Variants in BBX observed in about 807,000 individuals in gnomAD.
BBX encodes the protein BBX high mobility group box domain containing, also known as HMG box transcription factor BBX.
BBX carries 30 observed loss-of-function variants against 100.2 expected under a neutral mutation model. The ratio of observed to expected loss-of-function variants is 0.30; its 90% CI spans 0.22 to 0.41. The LOEUF is 0.41. Ranked by LOEUF, BBX falls within the 10% of genes least tolerant of loss-of-function variation. The pLI is 1.00. For missense variants in BBX, 1,023 were observed against 1,129.8 expected (o/e 0.91, Z 1.35); for synonymous variants, 376 against 388.1 (o/e 0.97, Z 0.37).
intron 3 of BBX, chr3:107,659,700 C>CT: frequency 7.8e-7 from 1 of 1,276,310 alleles, no homozygotes; most frequent in South Asian, 1.3e-5. Context: ...ACCACACTGC[C>CT]TGTAGATTAT....
At chr3:107,664,330 CAG>C (rs1387930774) in intron 3 of BBX, among the ~76,000 whole-genome samples, 1 of 152,152 alleles carries the variant, frequency 6.6e-6, no homozygotes, top group African/African-American at 2.4e-5. Flanking sequence ...CTCCCACTAA[CAG>C]AATGTAAGTA....
intron 10 of BBX, among the ~76,000 whole-genome samples, chr3:107,768,599 GA>G (rs920467033): frequency 1.1e-4 from 17 of 151,836 alleles, no homozygotes; most frequent in African/African-American, 3.9e-4. Flanking sequence ...AACTTAATAA[GA>G]AAAAATGGAA....
intron 2 of BBX, among the ~76,000 whole-genome samples, chr3:107,602,270 A>G (rs1437219834): frequency 6.6e-6 from 1 of 152,214 alleles, no homozygotes; most frequent in East Asian, 1.9e-4. Context: ...GATCTGGAGT[A>G]ATTTTGACTT....
At chr3:107,741,163 A>G (rs537662290) in intron 7 of BBX, among the ~76,000 whole-genome samples, 1 of 151,990 alleles carries the variant, frequency 6.6e-6, no homozygotes, top group East Asian at 1.9e-4. Flanking sequence ...CCGGCAGTGC[A>G]TGGTTGTGGT....
chr3:107,528,854 A>C (rs1411358423), intron 2 of BBX, among the ~76,000 whole-genome samples: 1 of 152,222 alleles, frequency 6.6e-6, no homozygotes, highest in Non-Finnish European at 1.5e-5. Context: ...GGCAATTTTT[A>C]ATTACTAGTC....
intron 2 of BBX, among the ~76,000 whole-genome samples, chr3:107,595,332 A>C (rs1007440600): frequency 6.6e-6 from 1 of 152,202 alleles, no homozygotes; most frequent in Admixed American, 6.5e-5. Context: ...CTAGCTTACC[A>C]TATGTGCATT....
At chr3:107,785,350 A>G (rs1240127370) in intron 13 of BBX, among the ~76,000 whole-genome samples, 4 of 152,018 alleles carry the variant, frequency 2.6e-5, no homozygotes, top group African/African-American at 9.7e-5. Context: ...AAGACATTCA[A>G]GACATTCTCA....
intron 2 of BBX, among the ~76,000 whole-genome samples, chr3:107,608,295 C>T (rs1048609938): frequency 1.2e-4 from 18 of 152,186 alleles, no homozygotes; most frequent in African/African-American, 4.1e-4. Context: ...ATATGGATAT[C>T]GGTTTCCCAG....
chr3:107,597,228 T>G (rs1576441174), intron 2 of BBX, among the ~76,000 whole-genome samples: 1 of 152,304 alleles, frequency 6.6e-6, no homozygotes, highest in East Asian at 1.9e-4. Context: ...TTAATTTGCC[T>G]CCTTAAAACT....
At position 107,566,660 on chromosome 3, in the gene BBX, A is replaced by G. The variant is rs371612120; in HGVS notation, c.-84+40262A>G. 1.2e-4 allele frequency among the ~76,000 whole-genome samples: 16 copies of G among 134,748 alleles called. No individual in the cohort carries two copies. In the East Asian group the frequency reaches 1.9e-3, roughly 16 times the overall value. 88.4% of individuals were successfully genotyped at this position (134,748 alleles called of 152,430 possible). The stretch of plus-strand genomic sequence containing the variant: ...TCTGTTTGTTCTTTGGTCAGTTTTT[A>G]TAATTTATATTTTGTTAGCAAACTG... On this transcript the variant is annotated intron_variant, in intron 2 of 17. Transcript: ENST00000325805.
intron 13 of BBX, among the ~76,000 whole-genome samples, chr3:107,784,579 A>C (rs1426557153): frequency 6.6e-6 from 1 of 151,994 alleles, no homozygotes; most frequent in Non-Finnish European, 1.5e-5. Flanking sequence ...GAAATCAAAG[A>C]GAAATCAGAA....
At chr3:107,792,484 T>A (rs954760146) in intron 15 of BBX, among the ~76,000 whole-genome samples, 1 of 152,200 alleles carries the variant, frequency 6.6e-6, no homozygotes, top group Non-Finnish European at 1.5e-5. Flanking sequence ...GCAAAAATGG[T>A]CAAGTTTGAG....
chr3:107,562,201 A>G (rs896358608), intron 2 of BBX, among the ~76,000 whole-genome samples: 1 of 152,200 alleles, frequency 6.6e-6, no homozygotes, highest in Admixed American at 6.5e-5. Context: ...ATTACATTCA[A>G]ATAAACACAC....
At chr3:107,702,190 G>A (rs2061113863) in intron 3 of BBX, among the ~76,000 whole-genome samples, 1 of 152,162 alleles carries the variant, frequency 6.6e-6, no homozygotes, top group African/African-American at 2.4e-5. Flanking sequence ...GTTTATTACT[G>A]GACCATTTGT....
At chr3:107,540,754 T>G (rs1195906672) in intron 2 of BBX, among the ~76,000 whole-genome samples, 1 of 152,220 alleles carries the variant, frequency 6.6e-6, no homozygotes, top group Non-Finnish European at 1.5e-5. Context: ...GCTGCTATCC[T>G]GTTCCTTCTT....
chr3:107,662,063 C>A, intron 3 of BBX: 1 of 232,932 alleles, frequency 4.3e-6, no homozygotes, highest in Non-Finnish European at 7.0e-6. Context: ...AAACTCTTGT[C>A]AGTGGTTCTT....
chr3:107,577,144 C>T (rs1010809809), intron 2 of BBX, among the ~76,000 whole-genome samples: 4 of 152,132 alleles, frequency 2.6e-5, no homozygotes, highest in Non-Finnish European at 4.4e-5. Context: ...CAGGTGTAAG[C>T]GCTACCGTGC....
At chr3:107,604,636 T>C (rs1379900732) in intron 2 of BBX, among the ~76,000 whole-genome samples, 4 of 152,198 alleles carry the variant, frequency 2.6e-5, no homozygotes, top group Admixed American at 2.6e-4. Context: ...CATGTCACAC[T>C]GTTGACTCAT....
At chr3:107,623,266 C>T (rs1008747961) in intron 2 of BBX, among the ~76,000 whole-genome samples, 6 of 152,136 alleles carry the variant, frequency 3.9e-5, no homozygotes, top group Non-Finnish European at 1.5e-5. Flanking sequence ...GCCTTACCCT[C>T]CTGGGATCAG....
Sources: allele counts gnomAD v4.1 joint callset (sites outside exome capture counted in the v4.1 genomes callset), GRCh38; gene constraint gnomAD v4.1.1; transcripts MANE v1.5; gene names NCBI Gene and HGNC (gene_info 2026-07-23, HGNC 2026-07-21).